FAM13B: variants seen among roughly 807,000 people sequenced by gnomAD.
FAM13B encodes family with sequence similarity 13 member B, also known as protein FAM13B.
In FAM13B, 60 loss-of-function variants were observed where a neutral mutation model predicts 117.3. That is an observed-to-expected ratio of 0.51 (90% confidence interval 0.42 to 0.63). The LOEUF is 0.63. Among genes scored for constraint, FAM13B ranks in the 30% least tolerant of loss-of-function variants. FAM13B has a pLI of 0.00. For missense variants in FAM13B, 972 were observed against 1,091.9 expected (o/e 0.89, Z 1.55); for synonymous variants, 332 against 356.1 (o/e 0.93, Z 0.76).
At chr5:138,018,197 A>G in intron 4 of FAM13B, 105 bp downstream of exon 4, 1 of 968,798 alleles carries the variant, frequency 1.0e-6, no homozygotes. Flanking sequence ...TAACAAATTA[A>G]TCTCTAAAAT....
At chr5:138,034,236 T>G (rs1338932577), upstream of FAM13B, among the ~76,000 whole-genome samples, 1 of 152,228 alleles carries the variant, frequency 6.6e-6, no homozygotes, top group Non-Finnish European at 1.5e-5. Context: ...GAACCAACAC[T>G]TACTCTCAGG....
intron 16 of FAM13B, 21 bp from the exon 17 acceptor site, chr5:137,952,730 A>T: frequency 6.9e-7 from 1 of 1,439,444 alleles, no homozygotes; most frequent in Non-Finnish European, 9.7e-7. Flanking sequence ...ATGGAGCAGA[A>T]TCACTGACAC....
rs1790507760 is a variant in FAM13B, at chr5:138,032,778, C to G, written c.-203+4G>C. 7.1e-6 allele frequency: 7 copies of G among 985,794 alleles called. No individual in the cohort carries two copies. The highest frequency in any genetic ancestry group is 8.4e-6 in the Non-Finnish European group (7 of 829,994). 61.1% of individuals were successfully genotyped at this position (985,794 alleles called of 1,614,324 possible). A position where few individuals can be genotyped will look rare whatever the true frequency, so the allele number is the denominator to read the frequency against. Reference sequence around the variant, plus strand: ...CAGATCCGGGTACCCGCCCGTTTACCTACCGTTGGAACCGCGATGCCCCGT... The same window carrying G: ...CAGATCCGGGTACCCGCCCGTTTACGTACCGTTGGAACCGCGATGCCCCGT... On this transcript the variant is annotated splice_donor_region_variant and intron_variant, in intron 1 of 23. Transcript: ENST00000689681.
chr5:137,942,638 T>C (rs1762202664), intron 22 of FAM13B: 11 of 449,346 alleles, frequency 2.4e-5, no homozygotes, highest in African/African-American at 4.1e-5. Context: ...GCTGGGATTA[T>C]AGGCATGAGC....
intron 20 of FAM13B, among the ~76,000 whole-genome samples, chr5:137,943,713 C>T (rs552403232): frequency 4.7e-4 from 72 of 152,102 alleles, no homozygotes; most frequent in Non-Finnish European, 8.5e-4. Flanking sequence ...CCACCACACT[C>T]CAGCCTGGGC....
rs773333160 is a variant in FAM13B, at chr5:137,988,267, T to A, written c.890+7A>T. The stretch of plus-strand genomic sequence containing the variant: ...AAAAATTTGTCTTCTATAAATATAC[T>A]ACTTACTCTGTAGAGGCTGGTAGGA... On this transcript the variant is annotated splice_region_variant and intron_variant, in intron 8 of 23. Coordinates refer to ENST00000689681, the MANE Select transcript of FAM13B (RefSeq NM_001385994.1). 2.6e-5 allele frequency: 40 copies of A among 1,539,946 alleles called. No individual in the cohort carries two copies. Among genetic ancestry groups the A allele is most frequent in the Non-Finnish European group, 3.1e-5 (36 of 1,153,942 alleles).
intron 16 of FAM13B, among the ~76,000 whole-genome samples, chr5:137,953,043 G>C (rs1486710607): frequency 1.3e-5 from 2 of 152,148 alleles, no homozygotes; most frequent in Non-Finnish European, 2.9e-5. Flanking sequence ...GTTTTTGATA[G>C]AGCAGAAATA....
chr5:137,940,205 GA>G lies in FAM13B; in HGVS notation c.*19del. 6.2e-7 allele frequency: 1 copy of G among 1,613,838 alleles called. No individual in the cohort carries two copies. On this transcript the variant is annotated 3_prime_UTR_variant, in exon 24 of 24. Transcript: ENST00000689681. ...AGGAATACAACTGACTTTATGATAT[GA>G]ATTTTCAAGGAACGTATCTTATATG...
intron 10 of FAM13B, among the ~76,000 whole-genome samples, chr5:137,983,588 C>G (rs1242093554): frequency 1.3e-5 from 2 of 152,048 alleles, no homozygotes; most frequent in Non-Finnish European, 2.9e-5. Context: ...ACTAGGTAGA[C>G]AGGCAGAAAC....
At chr5:137,965,520 A>C (rs1403365224) in intron 10 of FAM13B, among the ~76,000 whole-genome samples, 5 of 152,126 alleles carry the variant, frequency 3.3e-5, no homozygotes, top group Non-Finnish European at 7.4e-5. Flanking sequence ...TTAGTTCTGC[A>C]TCTTCCCATT....
At position 137,939,510 on chromosome 5, in the gene FAM13B, T is replaced by C. The variant is rs1141538; in HGVS notation, c.*715A>G. The C allele has an allele frequency of 0.74, 113,179 of 153,260 alleles. 42,454 individuals carry two copies. Among genetic ancestry groups the C allele is most frequent in the East Asian group, 0.97 (5,017 of 5,186 alleles). 9.5% of individuals were successfully genotyped at this position (153,260 alleles called of 1,614,324 possible). A position where few individuals can be genotyped will look rare whatever the true frequency, so the allele number is the denominator to read the frequency against. On this transcript the variant is annotated 3_prime_UTR_variant, in exon 24 of 24. Coordinates refer to ENST00000689681, the MANE Select transcript of FAM13B (RefSeq NM_001385994.1). ...AGTAACTGAAGTCCCATAGGCAGCA[T>C]GTGGTATGATTCAGTTCTGTGTGTG... is the stretch of plus-strand genomic sequence containing the variant.
At chr5:137,957,575 T>G (rs551152850) in intron 13 of FAM13B, among the ~76,000 whole-genome samples, 14 of 149,942 alleles carry the variant, frequency 9.3e-5, no homozygotes, top group Non-Finnish European at 1.8e-4. Flanking sequence ...TGGAGGAATA[T>G]CCTAACTCCA....
rs200013668 is a variant in FAM13B at position 137,960,143 on chromosome 5, T to A, written c.1293+23A>T. The A allele has an allele frequency of 2.1e-4, 300 of 1,460,136 alleles. 1 individual carries two copies. Among genetic ancestry groups the A allele is most frequent in the Middle Eastern group, 3.5e-4 (2 of 5,772 alleles). The allele number at this position is 1,460,136 out of a possible 1,614,324, so 90.4% of individuals were successfully genotyped here. A position where few individuals can be genotyped will look rare whatever the true frequency, so the allele number is the denominator to read the frequency against. On this transcript the variant is annotated intron_variant, in intron 12 of 23. Transcript: ENST00000689681. ...TAAACCTAGGCAAGTTTTTAAAGAC[T>A]AAGACAAAAAAATAGTTCTTACCAG...
At chr5:137,985,773 C>T (rs1055685921) in intron 9 of FAM13B, among the ~76,000 whole-genome samples, 1 of 152,172 alleles carries the variant, frequency 6.6e-6, no homozygotes, top group Non-Finnish European at 1.5e-5. Context: ...TCAAGTAAAA[C>T]AGAAATAGCT....
At chr5:138,027,445 A>C (rs1441455969) in intron 1 of FAM13B, among the ~76,000 whole-genome samples, 2 of 152,204 alleles carry the variant, frequency 1.3e-5, no homozygotes, top group Non-Finnish European at 2.9e-5. Context: ...AAAAGAAAAT[A>C]AACTTATGCC....
upstream of FAM13B, chr5:138,033,625 G>C (rs1278708791): frequency 6.6e-6 from 1 of 152,258 alleles, no homozygotes; most frequent in Non-Finnish European, 1.5e-5. Context: ...GTCTGGGACT[G>C]TGGAAGTCGA....
intron 10 of FAM13B, among the ~76,000 whole-genome samples, chr5:137,964,020 T>A (rs145151296): frequency 2.8e-4 from 42 of 152,278 alleles, no homozygotes; most frequent in African/African-American, 8.7e-4. Context: ...TCTGGGCACA[T>A]GAAATAACCA....
At chr5:138,020,079 A>T in intron 2 of FAM13B, 1 of 871,456 alleles carries the variant, frequency 1.1e-6, no homozygotes, top group Non-Finnish European at 1.4e-6. Flanking sequence ...TTATTTTTTG[A>T]GACAGAGTTT....
intron 1 of FAM13B, among the ~76,000 whole-genome samples, chr5:138,050,030 T>A (rs1290970239): frequency 6.6e-6 from 1 of 152,124 alleles, no homozygotes; most frequent in Non-Finnish European, 1.5e-5. Context: ...CCCAGCTTCT[T>A]GGGAGGCTTA....
Sources: allele counts gnomAD v4.1 joint callset (sites outside exome capture counted in the v4.1 genomes callset), GRCh38; gene constraint gnomAD v4.1.1; transcripts MANE v1.5; gene names NCBI Gene and HGNC (gene_info 2026-07-23, HGNC 2026-07-21).